RNF144A: variants seen among roughly 807,000 people sequenced by gnomAD.
RNF144A encodes ring finger protein 144A.
Under a neutral mutation model 38.7 loss-of-function variants are expected in RNF144A, and 11 were observed. The ratio of observed to expected loss-of-function variants is 0.28; its 90% CI spans 0.18 to 0.47. The LOEUF (loss-of-function observed/expected upper bound fraction) is 0.47. Among genes scored for constraint, RNF144A ranks in the 20% least tolerant of loss-of-function variants. RNF144A has a pLI of 0.99. For synonymous variants in RNF144A, 149 were observed against 143.9 expected (o/e 1.04, Z -0.25); for missense variants, 316 against 377.2 (o/e 0.84, Z 1.34).
chr2:7,023,848 G>C (rs1671694599), intron 6 of RNF144A, among the ~76,000 whole-genome samples: 1 of 152,200 alleles, frequency 6.6e-6, no homozygotes, highest in Non-Finnish European at 1.5e-5. Context: ...TGCAGACCTA[G>C]CCAACTTCTG....
intron 2 of RNF144A, among the ~76,000 whole-genome samples, chr2:6,980,983 C>T (rs966732202): frequency 6.6e-6 from 1 of 152,264 alleles, no homozygotes; most frequent in African/African-American, 2.4e-5. Flanking sequence ...GGCTTGCACC[C>T]TCTGAAGCAA....
At chr2:6,925,932 T>G (rs1664837204) in intron 1 of RNF144A, among the ~76,000 whole-genome samples, 1 of 152,190 alleles carries the variant, frequency 6.6e-6, no homozygotes, top group Non-Finnish European at 1.5e-5. Flanking sequence ...TATGTACCAG[T>G]ATCAGGCATA....
chr2:6,960,382 A>G (rs1667263490), intron 2 of RNF144A, among the ~76,000 whole-genome samples: 1 of 152,204 alleles, frequency 6.6e-6, no homozygotes, highest in African/African-American at 2.4e-5. Context: ...GACATTTGAA[A>G]GGCATACCAT....
intron 3 of RNF144A, among the ~76,000 whole-genome samples, chr2:7,002,400 G>A (rs1670167775): frequency 6.6e-6 from 1 of 152,224 alleles, no homozygotes; most frequent in South Asian, 2.1e-4. Flanking sequence ...GATTTGCAGT[G>A]TGGATAGTGG....
chr2:6,987,055 G>A (rs759221970), intron 2 of RNF144A, among the ~76,000 whole-genome samples: 5 of 152,042 alleles, frequency 3.3e-5, no homozygotes, highest in African/African-American at 9.7e-5. Context: ...GTCAGAACGC[G>A]TGGCTGTGTC....
intron 8 of RNF144A, among the ~76,000 whole-genome samples, chr2:7,032,240 A>G (rs1023816663): frequency 2.0e-5 from 3 of 149,282 alleles, no homozygotes; most frequent in African/African-American, 7.4e-5. Context: ...CTCTGCTGGA[A>G]TCCGCGCCCC....
At chr2:7,064,373 G>A (rs573581458) in intron 6 of RNF144A, among the ~76,000 whole-genome samples, 1 of 152,262 alleles carries the variant, frequency 6.6e-6, no homozygotes, top group African/African-American at 2.4e-5. Context: ...AAAAAATAAG[G>A]TGAAAGAGAT....
chr2:7,055,843 G>A (rs1265116627), intron 6 of RNF144A, among the ~76,000 whole-genome samples: 4 of 152,148 alleles, frequency 2.6e-5, no homozygotes, highest in African/African-American at 4.8e-5. Context: ...ACTGTCCTGT[G>A]CAGGTCTCTA....
At chr2:7,055,659 C>A (rs1438018403) in intron 6 of RNF144A, among the ~76,000 whole-genome samples, 1 of 152,208 alleles carries the variant, frequency 6.6e-6, no homozygotes, top group Admixed American at 6.5e-5. Flanking sequence ...TCTGAAACCC[C>A]AGCAGGTACC....
chr2:7,020,725 C>G, intron 6 of RNF144A, 45 bp downstream of exon 6: 1 of 1,548,604 alleles, frequency 6.5e-7, no homozygotes, highest in Non-Finnish European at 8.8e-7. Flanking sequence ...GGCTGTGGGC[C>G]AGGAGAAGCA....
chr2:7,043,457 C>A lies in RNF144A; in HGVS notation c.*3697C>A, dbSNP rs1673172055. The A allele has an allele frequency of 1.0e-6, 1 of 985,608 alleles. No individual in the cohort carries two copies. The highest frequency in any genetic ancestry group is 1.2e-6 in the Non-Finnish European group (1 of 829,922). 61.1% of individuals were successfully genotyped at this position (985,608 alleles called of 1,614,324 possible). ...TCAGATTCTCATTTATTAGTGAGCA[C>A]ACCTGTGTATATATATAAATCACAA... is the stretch of plus-strand genomic sequence containing the variant. On this transcript the variant is annotated 3_prime_UTR_variant, in exon 9 of 9. Transcript: ENST00000320892.
At chr2:7,021,810 A>G (rs1379696210) in intron 6 of RNF144A, among the ~76,000 whole-genome samples, 1 of 152,238 alleles carries the variant, frequency 6.6e-6, no homozygotes, top group Non-Finnish European at 1.5e-5. Context: ...AACCACTTGT[A>G]CTTATACTTC....
At chr2:6,992,208 T>C (rs966254422) in intron 2 of RNF144A, among the ~76,000 whole-genome samples, 3 of 152,254 alleles carry the variant, frequency 2.0e-5, no homozygotes, top group Admixed American at 2.0e-4. Context: ...TTGGGCTTCA[T>C]TGTGCATCAC....
intron 2 of RNF144A, among the ~76,000 whole-genome samples, chr2:6,979,818 G>C (rs1188874176): frequency 1.3e-5 from 2 of 152,160 alleles, no homozygotes; most frequent in Non-Finnish European, 2.9e-5. Context: ...GAAGATAATT[G>C]AGTTAATGTA....
chr2:6,923,747 C>T (rs114475694), intron 1 of RNF144A, among the ~76,000 whole-genome samples: 2,021 of 152,032 alleles, frequency 0.013, 37 homozygotes, highest in African/African-American at 0.046. Flanking sequence ...CGTTCTCTCT[C>T]GTCTTCCCAG....
rs895327576 is a variant in RNF144A at position 6,958,461 on chromosome 2, C to A, written c.-12+17314C>A. Among the ~76,000 whole-genome samples, 1 of 152,196 alleles carries A rather than the reference C, an allele frequency of 6.6e-6. No individual in the cohort carries two copies. Among genetic ancestry groups the A allele is most frequent in the African/African-American group, 2.4e-5 (1 of 41,440 alleles). Reference sequence around the variant, plus strand: ...TCTCGGGCCAGATGTCTTAGTGATTCATGGTGCTCTCAGCATAGACCTTGA... The same window carrying A: ...TCTCGGGCCAGATGTCTTAGTGATTAATGGTGCTCTCAGCATAGACCTTGA... On this transcript the variant is annotated intron_variant, in intron 2 of 8. Coordinates refer to ENST00000320892, the MANE Select transcript of RNF144A (RefSeq NM_014746.6). The surrounding 1 kb of genome is among the most constrained non-coding windows in gnomAD (Gnocchi z 4.5).
At chr2:6,992,294 C>T (rs927480007) in intron 2 of RNF144A, among the ~76,000 whole-genome samples, 3 of 152,168 alleles carry the variant, frequency 2.0e-5, no homozygotes, top group African/African-American at 7.2e-5. Context: ...TTTAATGAGT[C>T]GGGGTTGGAG....
chr2:6,973,202 G>A (rs1209606219), intron 2 of RNF144A, among the ~76,000 whole-genome samples: 1 of 152,200 alleles, frequency 6.6e-6, no homozygotes, highest in Non-Finnish European at 1.5e-5. Context: ...TTGAGTGTCC[G>A]AGCTGGGGTT....
chr2:6,976,640 T>A lies in RNF144A; in HGVS notation c.-11-20276T>A, dbSNP rs189998016. 3.1e-3 allele frequency among the ~76,000 whole-genome samples: 458 copies of A among 148,528 alleles called. 1 individual carries two copies. Among genetic ancestry groups the A allele is most frequent in the Middle Eastern group, 0.014 (4 of 280 alleles). Reference sequence around the variant, plus strand: ...ATGTCATATATACATTTCATATATATAAATTTATTATATATACATTTCATA... The same window carrying A: ...ATGTCATATATACATTTCATATATAAAAATTTATTATATATACATTTCATA... On this transcript the variant is annotated intron_variant, in intron 2 of 8. Transcript: ENST00000320892.
Sources: gnomAD v4.1 joint callset for allele counts (sites outside exome capture counted in the v4.1 genomes callset) on GRCh38, gnomAD v4.1.1 for gene constraint, Gnocchi (gnomAD v3.1) non-coding constraint, MANE v1.5 for transcripts, NCBI Gene and HGNC (gene_info 2026-07-23, HGNC 2026-07-21) for gene names.